TCTN2: variants seen among roughly 807,000 people sequenced by gnomAD.
The protein encoded by TCTN2 is tectonic-2.
A neutral mutation model predicts 83.4 loss-of-function variants in TCTN2; 66 were observed. That is an observed-to-expected ratio of 0.79 (90% CI 0.65 to 0.97). TCTN2 has a LOEUF of 0.97. TCTN2 is among the 50% of genes least tolerant of loss of function. The pLI, the probability that TCTN2 is intolerant of heterozygous loss-of-function variation, is 0.00. For missense variants in TCTN2, 794 were observed against 858.1 expected (o/e 0.93, Z 0.93); for synonymous variants, 301 against 326.7 (o/e 0.92, Z 0.85).
chr12:123,692,835 C>A (rs938087496), intron 9 of TCTN2, 112 bp downstream of exon 9: 28 of 859,988 alleles, frequency 3.3e-5, no homozygotes, highest in Middle Eastern at 6.6e-4. Flanking sequence ...AAAAGGTTCA[C>A]AATAGTTAGA....
At chr12:123,675,646 C>A (rs1286938682) in intron 4 of TCTN2, among the ~76,000 whole-genome samples, 1 of 152,106 alleles carries the variant, frequency 6.6e-6, no homozygotes. Context: ...CAGATGGCTG[C>A]CTACAGTGTG....
chr12:123,680,612 A>T (rs1269505155), intron 5 of TCTN2, among the ~76,000 whole-genome samples: 1 of 148,696 alleles, frequency 6.7e-6, no homozygotes, highest in Non-Finnish European at 1.5e-5. Context: ...CACCTCCTGG[A>T]TTCAAGTGAT....
chr12:123,695,676 T>C (rs1593858412), intron 11 of TCTN2: 1 of 166,242 alleles, frequency 6.0e-6, no homozygotes, highest in African/African-American at 2.4e-5. Flanking sequence ...CTCACTTTAA[T>C]ATAATTTTTA....
At chr12:123,693,454 A>ATT (rs59347706) in intron 9 of TCTN2, among the ~76,000 whole-genome samples, 897 of 79,042 alleles carry the variant, frequency 0.011, 18 homozygotes, top group African/African-American at 0.041. Context: ...AGTTTGGCAG[A>ATT]TTTTTTTTTT....
intron 5 of TCTN2, among the ~76,000 whole-genome samples, chr12:123,680,458 T>C (rs919346355): frequency 7.2e-6 from 1 of 139,392 alleles, no homozygotes; most frequent in Admixed American, 7.0e-5. Flanking sequence ...CCGGCCTGAC[T>C]TTTTTTCTTT....
intron 4 of TCTN2, among the ~76,000 whole-genome samples, chr12:123,675,919 C>T (rs78675525): frequency 6.6e-6 from 1 of 151,908 alleles, no homozygotes; most frequent in African/African-American, 2.4e-5. Context: ...AAAAAAAAAT[C>T]CCCCCAAAAC....
rs370103460 is a variant in TCTN2, at chr12:123,690,649, G to A, written c.1008G>A (p.Ala336=). The A allele has an allele frequency of 2.0e-5, 32 of 1,613,968 alleles. No homozygotes were observed. The highest frequency in any genetic ancestry group is 4.0e-5 in the African/African-American group (3 of 74,906). ...LYQERDGIIN[A]KIKNVALGGI... is the part of the protein sequence containing the mutation. ...AAGAACGAGATGGTATTATCAATGC[G>A]AAGATAAAGAATGTTGCCTTAGGAG... Residue 336 remains alanine, a synonymous_variant, in exon 8 of 18, where the codon GCG becomes GCA. Coordinates refer to ENST00000303372, the MANE Select transcript of TCTN2 (RefSeq NM_024809.5).
intron 3 of TCTN2, 117 bp from the exon 4 acceptor site, chr12:123,673,498 T>A: frequency 1.0e-6 from 1 of 995,994 alleles, no homozygotes; most frequent in Non-Finnish European, 1.6e-6. Flanking sequence ...TCTGTATACA[T>A]TTCCCTTTTA....
At chr12:123,701,616 G>A (rs368565361) in intron 14 of TCTN2, among the ~76,000 whole-genome samples, 6 of 151,798 alleles carry the variant, frequency 4.0e-5, no homozygotes, top group Non-Finnish European at 7.4e-5. Context: ...GGTGGTGGGC[G>A]CCTGTAGTCC....
intron 5 of TCTN2, among the ~76,000 whole-genome samples, chr12:123,681,710 G>C (rs1955901787): frequency 6.6e-6 from 1 of 152,162 alleles, no homozygotes; most frequent in African/African-American, 2.4e-5. Flanking sequence ...AACATTTGTG[G>C]ACAGGTTTTT....
At chr12:123,706,884 A>G in intron 16 of TCTN2, 33 bp downstream of exon 16, 1 of 1,614,140 alleles carries the variant, frequency 6.2e-7, no homozygotes, top group Non-Finnish European at 8.5e-7. Flanking sequence ...TGACATTAGG[A>G]AGCAGAAAAA....
chr12:123,688,377 A>G (rs967421695), intron 7 of TCTN2, among the ~76,000 whole-genome samples, 200 bp downstream of exon 7: 6 of 151,708 alleles, frequency 4.0e-5, no homozygotes, highest in African/African-American at 1.2e-4. Flanking sequence ...CACCGCACCC[A>G]GCCAATTTTT....
Position 123,673,721 on chromosome 12 carries a change from T to G in TCTN2, c.374T>G (p.Val125Gly). 1 of 1,614,186 alleles carries G rather than the reference T, an allele frequency of 6.2e-7. No homozygotes were observed. Among genetic ancestry groups the G allele is most frequent in the South Asian group, 1.1e-5 (1 of 91,080 alleles). The change falls in exon 4 of 18, where the codon GTT (valine) becomes GGT (glycine). Residue 125 changes from valine (V) to glycine (G), a missense_variant. Transcript: ENST00000303372. ...ESPCILQTLL[V>G]SASHNSSCSA... Reference sequence around the variant, plus strand: ...CCCTGTATCCTCCAGACCCTTCTGGTTTCAGCATCTCATAATTCATCCTGT... The same window carrying G: ...CCCTGTATCCTCCAGACCCTTCTGGGTTCAGCATCTCATAATTCATCCTGT...
intron 13 of TCTN2, among the ~76,000 whole-genome samples, chr12:123,698,112 A>C (rs7397230): frequency 6.6e-6 from 1 of 151,552 alleles, no homozygotes; most frequent in Non-Finnish European, 1.5e-5. Context: ...GCATAATCTC[A>C]GCTCACTGCA....
At chr12:123,697,792 C>G (rs1869239097) in intron 13 of TCTN2, among the ~76,000 whole-genome samples, 1 of 152,084 alleles carries the variant, frequency 6.6e-6, no homozygotes, top group African/African-American at 2.4e-5. Flanking sequence ...CCGCGCCTGG[C>G]CTCATTGGAA....
chr12:123,674,817 G>A (rs976186561), intron 4 of TCTN2, among the ~76,000 whole-genome samples: 11 of 152,176 alleles, frequency 7.2e-5, no homozygotes, highest in Admixed American at 2.0e-4. Flanking sequence ...CTTGAGCGTA[G>A]GAGTTTGAGG....
chr12:123,691,898 AT>A (rs35116981), intron 8 of TCTN2, among the ~76,000 whole-genome samples: 59,130 of 139,050 alleles, frequency 0.43, 12,642 homozygotes, highest in African/African-American at 0.56. Flanking sequence ...CACCTGGCTA[AT>A]TTTTTTTTTT....
intron 13 of TCTN2, among the ~76,000 whole-genome samples, chr12:123,698,344 G>GT (rs1956134355): frequency 6.6e-6 from 1 of 150,650 alleles, no homozygotes; most frequent in African/African-American, 2.4e-5. Context: ...GCCCAGCCTT[G>GT]TTTTTTGTTT....
chr12:123,704,231 T>C (rs1294313602), intron 14 of TCTN2, among the ~76,000 whole-genome samples: 1 of 152,040 alleles, frequency 6.6e-6, no homozygotes, highest in African/African-American at 2.4e-5. Context: ...GGTCTCGATC[T>C]CTTGACCTCG....
Sources: gnomAD v4.1 joint callset for allele counts (sites outside exome capture counted in the v4.1 genomes callset) on GRCh38, gnomAD v4.1.1 for gene constraint, MANE v1.5 for transcripts, NCBI Gene and HGNC (gene_info 2026-07-23, HGNC 2026-07-21) for gene names.